The following MYBL2 variants were observed in gnomAD, a reference collection of about 807,000 sequenced individuals.
The protein encoded by MYBL2 is myb-related protein B.
MYBL2 carries 28 observed loss-of-function variants against 79.9 expected under a neutral mutation model. The observed-to-expected ratio is 0.35, with a 90% CI of 0.26 to 0.48. The LOEUF (loss-of-function observed/expected upper bound fraction) is 0.48. Ranked by LOEUF, MYBL2 falls within the 20% of genes least tolerant of loss-of-function variation. The pLI, the probability that MYBL2 is intolerant of heterozygous loss-of-function variation, is 0.99. For missense variants in MYBL2, 735 were observed against 893.9 expected, an observed-to-expected ratio of 0.82 and a Z score of 2.27; for synonymous variants, 378 against 361.2, an observed-to-expected ratio of 1.05 and a Z score of -0.53.
At chr20:43,711,420 C>G in intron 10 of MYBL2, 68 bp from the exon 11 acceptor site, 1 of 1,306,794 alleles carries the variant, frequency 7.7e-7, no homozygotes, top group Non-Finnish European at 1.1e-6. Context: ...CTGGGTTGGT[C>G]CCACAGTCCC....
At chr20:43,706,088 A>G (rs1987776933) in intron 9 of MYBL2, among the ~76,000 whole-genome samples, 1 of 152,150 alleles carries the variant, frequency 6.6e-6, no homozygotes, top group South Asian at 2.1e-4. Context: ...CAGCCTCCCA[A>G]AACGCTGGGA....
Position 43,692,278 on chromosome 20 carries a change from G to A in MYBL2, c.622G>A (p.Asp208Asn). 3 of 1,614,220 alleles carry A rather than the reference G, an allele frequency of 1.9e-6. No individual in the cohort carries two copies. Among genetic ancestry groups the A allele is most frequent in the Non-Finnish European group, 1.7e-6 (2 of 1,180,046 alleles). The change falls in exon 6 of 14, where the codon GAC becomes AAC. Residue 208 changes from aspartate to asparagine, a missense_variant. Physicochemically the swap from Asp to Asn is conservative, Grantham distance 23. Around this residue, in one of 5 missense-constraint regions of MYBL2, gnomAD observed 144 missense variants for 131.9 expected, o/e 1.09. Transcript: ENST00000217026. The stretch of plus-strand genomic sequence containing the variant: ...AGTGTACTTGCTGCTGGAGCTCGAG[G>A]ACAAGGACGGCCTCCAGAGTGCCCA... ...PPVYLLLELE[D>N]KDGLQSAQPT...
At chr20:43,670,548 C>G (rs955858702) in intron 1 of MYBL2, among the ~76,000 whole-genome samples, 3 of 152,070 alleles carry the variant, frequency 2.0e-5, no homozygotes, top group African/African-American at 7.2e-5. Context: ...TCAGTCAGTC[C>G]CTGGGCAAAC....
chr20:43,681,649 TG>T, intron 2 of MYBL2, 134 bp from the exon 3 acceptor site: 1 of 865,276 alleles, frequency 1.2e-6, no homozygotes, highest in Non-Finnish European at 1.9e-6. Context: ...CTGTAGTGCC[TG>T]GCACCTTGTA....
chr20:43,706,675 T>C (rs1987788191), intron 9 of MYBL2, among the ~76,000 whole-genome samples: 1 of 142,212 alleles, frequency 7.0e-6, no homozygotes, highest in Non-Finnish European at 1.5e-5. Flanking sequence ...AAGACCAGTC[T>C]GGGCAATATA....
At chr20:43,671,966 T>C (rs1215809190) in intron 1 of MYBL2, among the ~76,000 whole-genome samples, 1 of 151,322 alleles carries the variant, frequency 6.6e-6, no homozygotes, top group Non-Finnish European at 1.5e-5. Flanking sequence ...TCCCAGCCCG[T>C]TGGGAGGCCA....
At chr20:43,681,895 G>A in intron 3 of MYBL2, 40 bp downstream of exon 3, 2 of 1,602,024 alleles carry the variant, frequency 1.2e-6, no homozygotes, top group Non-Finnish European at 1.7e-6. Context: ...CGGGGCAAGG[G>A]CTCTGGGAGA....
At chr20:43,710,963 T>C (rs567374600) in intron 10 of MYBL2, among the ~76,000 whole-genome samples, 6 of 152,138 alleles carry the variant, frequency 3.9e-5, no homozygotes, top group South Asian at 2.1e-4. Flanking sequence ...GGATGACTTA[T>C]GAGGAGTGGC....
chr20:43,693,224 G>T (rs1987454705), intron 6 of MYBL2, among the ~76,000 whole-genome samples: 1 of 152,144 alleles, frequency 6.6e-6, no homozygotes, highest in Non-Finnish European at 1.5e-5. Flanking sequence ...TAGAGATGGG[G>T]TTTCACCACG....
At position 43,713,099 on chromosome 20, in the gene MYBL2, T is replaced by C. The variant is rs777584331; in HGVS notation, c.1817T>C (p.Leu606Pro). Reference sequence around the variant, plus strand: ...ATGATGTCCACACTGCCCAAGTCTCTATCCTTGGTAAGGCTTCTGCTCCTT... The same window carrying C: ...ATGATGTCCACACTGCCCAAGTCTCCATCCTTGGTAAGGCTTCTGCTCCTT... ...KLMMSTLPKS[L>P]SLPTTAPSNS... is the part of the protein sequence containing the mutation. The change falls in exon 12 of 14, where the codon CTA (leucine) becomes CCA (proline). Residue 606 changes from leucine (L) to proline (P), a missense_variant. This residue lies in a region of MYBL2 where 204 missense variants were observed against 202.9 expected (regional missense o/e 1.01). Transcript: ENST00000217026. 1 of 1,611,418 alleles carries C rather than the reference T, an allele frequency of 6.2e-7. No individual in the cohort carries two copies. The highest frequency in any genetic ancestry group is 8.5e-7 in the Non-Finnish European group (1 of 1,178,732).
Position 43,702,793 on chromosome 20 carries a change from G to T in MYBL2, c.1255G>T (p.Ala419Ser). The change falls in exon 8 of 14, where the codon GCT (alanine) becomes TCT (serine). Residue 419 changes from alanine to serine, a missense_variant. Physicochemically the swap from Ala to Ser is moderately conservative, Grantham distance 99. Around this residue, in one of 5 missense-constraint regions of MYBL2, gnomAD observed 243 missense variants for 327.2 expected, o/e 0.74. Transcript: ENST00000217026. Reference sequence around the variant, plus strand: ...CAAGCGGCAGAGGAAGAGGCGTGTGGCTCTGTCCCCTGTCACTGAGAATAG... The same window carrying T: ...CAAGCGGCAGAGGAAGAGGCGTGTGTCTCTGTCCCCTGTCACTGAGAATAG... Reference protein sequence around the residue: ...VLKRQRKRRVALSPVTENSTS... With the variant: ...VLKRQRKRRVSLSPVTENSTS... 2 of 1,614,216 alleles carry T rather than the reference G, an allele frequency of 1.2e-6. No homozygotes were observed. Among genetic ancestry groups the T allele is most frequent in the Non-Finnish European group, 8.5e-7 (1 of 1,180,046 alleles).
chr20:43,673,748 C>G (rs1164436212), intron 1 of MYBL2, 58 bp from the exon 2 acceptor site: 1 of 1,537,172 alleles, frequency 6.5e-7, no homozygotes, highest in African/African-American at 1.4e-5. Flanking sequence ...TACACGTTCT[C>G]CATTATGTAA....
intron 11 of MYBL2, among the ~76,000 whole-genome samples, chr20:43,712,267 C>G (rs1312071498): frequency 6.6e-6 from 1 of 152,216 alleles, no homozygotes; most frequent in East Asian, 1.9e-4. Context: ...CCAGACTGCT[C>G]TCCTCAAGGG....
Position 43,702,914 on chromosome 20 carries a change from C to A in MYBL2, c.1365+11C>A. ...TTCTCGCCCTCCCAGGTGCGTGGAC[C>A]CCACTCTGGCTGCTTATTGGGTCGG... On this transcript the variant is annotated intron_variant, in intron 8 of 13. Transcript: ENST00000217026. The A allele has an allele frequency of 6.3e-7, 1 of 1,574,864 alleles. No individual in the cohort carries two copies. Among genetic ancestry groups the A allele is most frequent in the Non-Finnish European group, 8.7e-7 (1 of 1,153,764 alleles).
chr20:43,713,432 G>T (rs1454911636), intron 12 of MYBL2, among the ~76,000 whole-genome samples: 1 of 149,848 alleles, frequency 6.7e-6, no homozygotes, highest in Non-Finnish European at 1.5e-5. Flanking sequence ...TTGTTGCCCA[G>T]GCTGGAGTGC....
chr20:43,715,081 C>G, intron 12 of MYBL2, 53 bp from the exon 13 acceptor site: 4 of 1,599,968 alleles, frequency 2.5e-6, no homozygotes, highest in Non-Finnish European at 3.4e-6. Context: ...TTTTTTCTTC[C>G]CTCTCACAGC....
chr20:43,704,710 T>C lies in MYBL2; in HGVS notation c.1366-509T>C, dbSNP rs1420567745. 1.3e-5 allele frequency among the ~76,000 whole-genome samples: 2 copies of C among 152,198 alleles called. 1 individual carries two copies. The highest frequency in any genetic ancestry group is 6.3e-3 in the Middle Eastern group (2 of 316). On this transcript the variant is annotated intron_variant, in intron 8 of 13. Transcript: ENST00000217026. ...AAAACCTCTCTAAGCGTTGGTTTTC[T>C]TATCTGTAAAAGGGGGATAGTAATA...
rs748658344 is a variant in MYBL2, at chr20:43,716,407, G to T, written c.*320G>T. On this transcript the variant is annotated 3_prime_UTR_variant, in exon 14 of 14. Coordinates refer to ENST00000217026, the MANE Select transcript of MYBL2 (RefSeq NM_002466.4). ...CATCTCAGACCCTGCTTAGGATGGG[G>T]GATGTGGCCAGGGGTGCTCCTGTGC... is the stretch of plus-strand genomic sequence containing the variant. 7 of 384,952 alleles carry T rather than the reference G, an allele frequency of 1.8e-5. No individual in the cohort carries two copies. Among genetic ancestry groups the T allele is most frequent in the Non-Finnish European group, 3.3e-5 (7 of 214,436 alleles). 23.8% of individuals were successfully genotyped at this position (384,952 alleles called of 1,614,324 possible).
At chr20:43,709,914 G>A (rs746146632) in intron 9 of MYBL2, 49 bp from the exon 10 acceptor site, 33 of 1,460,460 alleles carry the variant, frequency 2.3e-5, no homozygotes, top group Admixed American at 7.4e-5. Context: ...AGAGTGCCTG[G>A]CGTCGGCCCC....
Sources: allele counts gnomAD v4.1 joint callset (sites outside exome capture counted in the v4.1 genomes callset), GRCh38; gene constraint gnomAD v4.1.1; regional missense constraint gnomAD v4.1.1; transcripts MANE v1.5; gene names NCBI Gene and HGNC (gene_info 2026-07-23, HGNC 2026-07-21).